Variants in PLPPR4 observed in about 807,000 individuals in gnomAD.
PLPPR4 encodes phospholipid phosphatase-related protein type 4.
In PLPPR4, 24 loss-of-function variants were observed where a neutral mutation model predicts 56.6. The ratio of observed to expected loss-of-function variants is 0.42; its 90% CI spans 0.31 to 0.60. The LOEUF (loss-of-function observed/expected upper bound fraction) is 0.60, where lower values mean the gene tolerates loss of function less well. PLPPR4 is among the 20% of genes least tolerant of loss of function. PLPPR4 has a pLI of 0.13. For synonymous variants in PLPPR4, 326 were observed against 328.1 expected (o/e 0.99, Z 0.07); for missense variants, 654 against 885.8 (o/e 0.74, Z 3.32).
intron 1 of PLPPR4, 69 bp from the exon 2 acceptor site, chr1:99,287,896 C>A: frequency 3.4e-6 from 4 of 1,189,004 alleles, no homozygotes; most frequent in Non-Finnish European, 3.6e-6. Context: ...GAGAGAAAGC[C>A]ACTTGTTTTC....
chr1:99,269,152 A>G (rs2100782457), intron 1 of PLPPR4, among the ~76,000 whole-genome samples: 1 of 151,844 alleles, frequency 6.6e-6, no homozygotes, highest in Admixed American at 6.6e-5. Context: ...TTCAGCTCCC[A>G]CTTATGAGTG....
intron 1 of PLPPR4, among the ~76,000 whole-genome samples, chr1:99,285,685 A>G (rs902329243): frequency 5.9e-5 from 9 of 152,210 alleles, no homozygotes; most frequent in Admixed American, 3.3e-4. Context: ...AATAGAAGAC[A>G]TAATGCTGTC....
At chr1:99,266,756 C>G (rs1658909256) in intron 1 of PLPPR4, among the ~76,000 whole-genome samples, 2 of 152,140 alleles carry the variant, frequency 1.3e-5, no homozygotes, top group Admixed American at 1.3e-4. Context: ...AATTATCTTC[C>G]TAAAAATTAA....
At chr1:99,278,740 TATC>T (rs1239108112) in intron 1 of PLPPR4, among the ~76,000 whole-genome samples, 2 of 152,142 alleles carry the variant, frequency 1.3e-5, no homozygotes. Context: ...AACAACCACT[TATC>T]ATTATTTTTG....
chr1:99,280,040 A>G (rs1659283090), intron 1 of PLPPR4, among the ~76,000 whole-genome samples: 1 of 152,180 alleles, frequency 6.6e-6, no homozygotes, highest in Admixed American at 6.5e-5. Context: ...TGTGTTTAAG[A>G]GTAATAAGAA....
chr1:99,304,738 AT>A (rs1332750254), intron 6 of PLPPR4, among the ~76,000 whole-genome samples: 2 of 152,158 alleles, frequency 1.3e-5, no homozygotes, highest in Non-Finnish European at 2.9e-5. Context: ...TTAAATCAAT[AT>A]TTTTTTGTTT....
At chr1:99,301,111 T>G in intron 5 of PLPPR4, 145 bp downstream of exon 5, 8 of 687,922 alleles carry the variant, frequency 1.2e-5, no homozygotes. Context: ...TACAATGGCA[T>G]CCAAAGCAGA....
At chr1:99,284,919 A>C (rs1219270805) in intron 1 of PLPPR4, among the ~76,000 whole-genome samples, 1 of 152,196 alleles carries the variant, frequency 6.6e-6, no homozygotes, top group Non-Finnish European at 1.5e-5. Context: ...AAAGCAAAAG[A>C]CTAAACCTAG....
chr1:99,305,929 C>A lies in PLPPR4; in HGVS notation c.1067C>A (p.Pro356His), dbSNP rs752545207. The change falls in exon 7 of 7, where the codon CCC (proline) becomes CAC (histidine). Residue 356 changes from proline to histidine, a missense_variant. By Grantham distance (77) the Pro-to-His change is moderately conservative. Around this residue, in one of 2 missense-constraint regions of PLPPR4, gnomAD observed 468 missense variants for 554.3 expected, o/e 0.84. Coordinates refer to ENST00000370185, the MANE Select transcript of PLPPR4 (RefSeq NM_014839.5). Reference sequence around the variant, plus strand: ...GTGGAAATCATTACTCCACGGAGCCCCATGGGGAAGGAGAACATGGTTACC... The same window carrying A: ...GTGGAAATCATTACTCCACGGAGCCACATGGGGAAGGAGAACATGGTTACC... Reference protein sequence around the residue: ...ADVEIITPRSPMGKENMVTFS... With the variant: ...ADVEIITPRSHMGKENMVTFS... 3 of 1,613,924 alleles carry A rather than the reference C, an allele frequency of 1.9e-6. No individual in the cohort carries two copies. In the African/African-American group the frequency reaches 4.0e-5, roughly 22 times the overall value.
chr1:99,302,078 T>TA (rs1259661440), intron 6 of PLPPR4, among the ~76,000 whole-genome samples, 181 bp downstream of exon 6: 1 of 152,098 alleles, frequency 6.6e-6, no homozygotes, highest in Non-Finnish European at 1.5e-5. Flanking sequence ...ATTGAACTCT[T>TA]ACTATGAGCC....
In PLPPR4 at chr1:99,307,569, A is replaced by T. The variant is rs1660062649; in HGVS notation, c.*559A>T. The stretch of plus-strand genomic sequence containing the variant: ...AAAGAAATGCTACTTTATTAAGAAG[A>T]TGCTGGCTGCTTTGTGTTAGAATAG... On this transcript the variant is annotated 3_prime_UTR_variant, in exon 7 of 7. Transcript: ENST00000370185. 6.6e-6 allele frequency: 1 copy of T among 152,642 alleles called. No homozygotes were observed. Among genetic ancestry groups the T allele is most frequent in the Non-Finnish European group, 1.5e-5 (1 of 68,340 alleles). 9.5% of individuals were successfully genotyped at this position (152,642 alleles called of 1,614,324 possible).
chr1:99,284,845 C>G (rs1278848632), intron 1 of PLPPR4, among the ~76,000 whole-genome samples: 1 of 152,058 alleles, frequency 6.6e-6, no homozygotes, highest in African/African-American at 2.4e-5. Context: ...TAACGTGTAT[C>G]AGTGGCAACA....
chr1:99,276,263 C>T (rs1402454811), intron 1 of PLPPR4, among the ~76,000 whole-genome samples: 2 of 152,186 alleles, frequency 1.3e-5, no homozygotes, highest in South Asian at 4.1e-4. Flanking sequence ...TTGTGATATG[C>T]TAGAGCGTTC....
At chr1:99,268,451 G>A (rs1013913614) in intron 1 of PLPPR4, among the ~76,000 whole-genome samples, 1 of 152,178 alleles carries the variant, frequency 6.6e-6, no homozygotes, top group Non-Finnish European at 1.5e-5. Context: ...CTGAGGTGTT[G>A]GTGTTCAGCC....
chr1:99,283,381 T>C lies in PLPPR4; in HGVS notation c.79-4584T>C, dbSNP rs1375041522. ...AAACAAGTAAGCTGTCTGATCTAGA[T>C]AAAATATCATGATAGTTTTGATAAA... On this transcript the variant is annotated intron_variant, in intron 1 of 6. Coordinates refer to ENST00000370185, the MANE Select transcript of PLPPR4 (RefSeq NM_014839.5). Among the ~76,000 whole-genome samples, 3 of 152,218 alleles carry C rather than the reference T, an allele frequency of 2.0e-5. No homozygotes were observed. In the East Asian group the frequency reaches 5.8e-4, roughly 29 times the overall value.
rs1660013257 is a variant in PLPPR4 at position 99,305,908 on chromosome 1, A to G, written c.1046A>G (p.Glu349Gly). The change falls in exon 7 of 7, where the codon GAA becomes GGA. Residue 349 changes from glutamate to glycine, a missense_variant. Glu to Gly is a moderately conservative substitution (Grantham distance 98). This residue lies in a region of PLPPR4 where 468 missense variants were observed against 554.3 expected (regional missense o/e 0.84). Transcript: ENST00000370185. ...CTCAAAAGAGCAAATGCTGATGTGGAAATCATTACTCCACGGAGCCCCATG... is the reference window on the plus strand; with the variant it reads ...CTCAAAAGAGCAAATGCTGATGTGGGAATCATTACTCCACGGAGCCCCATG... ...TNLKRANADV[E>G]IITPRSPMGK... 6.2e-7 allele frequency: 1 copy of G among 1,614,002 alleles called. No homozygotes were observed. The highest frequency in any genetic ancestry group is 8.5e-7 in the Non-Finnish European group (1 of 1,180,016).
intron 2 of PLPPR4, among the ~76,000 whole-genome samples, chr1:99,292,994 T>C (rs946086900): frequency 6.6e-6 from 1 of 152,170 alleles, no homozygotes; most frequent in African/African-American, 2.4e-5. Flanking sequence ...TTCTTTTCTA[T>C]CTTTAGGGTG....
intron 1 of PLPPR4, among the ~76,000 whole-genome samples, chr1:99,273,935 T>C (rs1285772018): frequency 1.3e-5 from 2 of 152,116 alleles, no homozygotes; most frequent in East Asian, 1.9e-4. Flanking sequence ...ATTAGATCAA[T>C]ATCCAAGGTC....
Position 99,299,115 on chromosome 1 carries a change from T to G in PLPPR4, c.475T>G (p.Phe159Val), listed in dbSNP as rs780320606. The change falls in exon 4 of 7, where the codon TTT becomes GTT. Residue 159 changes from phenylalanine (F) to valine (V), a missense_variant. Physicochemically the swap from Phe to Val is conservative, Grantham distance 50. Transcript: ENST00000370185. ...GTCCACAGGATATCAAGCACCTTAC[T>G]TTCTGACTGTGTGCAAACCAAACTA... ...QLSTGYQAPY[F>V]LTVCKPNYTS... The G allele has an allele frequency of 6.2e-7, 1 of 1,613,460 alleles. No homozygotes were observed. Among genetic ancestry groups the G allele is most frequent in the Non-Finnish European group, 8.5e-7 (1 of 1,179,598 alleles).
Sources: allele counts gnomAD v4.1 joint callset (sites outside exome capture counted in the v4.1 genomes callset), GRCh38; gene constraint gnomAD v4.1.1; regional missense constraint gnomAD v4.1.1; transcripts MANE v1.5; gene names NCBI Gene and HGNC (gene_info 2026-07-23, HGNC 2026-07-21).